The following CEP57L1 variants were observed in gnomAD, a reference collection of about 807,000 sequenced individuals.
CEP57L1 encodes the protein centrosomal protein CEP57L1.
Under a neutral mutation model 61.0 loss-of-function variants are expected in CEP57L1, and 37 were observed. That is an observed-to-expected ratio of 0.61 (90% confidence interval 0.47 to 0.80). CEP57L1 has a LOEUF of 0.80. Among genes scored for constraint, CEP57L1 ranks in the 30% least tolerant of loss-of-function variants. The probability of loss-of-function intolerance (pLI) is 0.00; values close to 1 mark genes in which losing one functional copy is unlikely to be tolerated. For synonymous variants in CEP57L1, 137 were observed against 162.3 expected, an observed-to-expected ratio of 0.84 and a Z score of 1.19; for missense variants, 422 against 524.7, an observed-to-expected ratio of 0.80 and a Z score of 1.91.
At position 109,108,753 on chromosome 6, in the gene CEP57L1, G is replaced by A. The variant is rs187227785; in HGVS notation, c.-4+13178G>A. On this transcript the variant is annotated intron_variant, in intron 1 of 10. Transcript: ENST00000517392. ...CTCCTTATTTCTTGAATTAAAAAAG[G>A]CGAAGGATTTATATGCTCTGAAGAG... is the stretch of plus-strand genomic sequence containing the variant. Among the ~76,000 whole-genome samples the A allele has an allele frequency of 9.9e-5, 15 of 152,154 alleles. No individual in the cohort carries two copies. The East Asian group carries it at 1.7e-3, about 18-fold the overall frequency.
At chr6:109,126,257 T>C (rs986005082) in intron 1 of CEP57L1, among the ~76,000 whole-genome samples, 1 of 152,216 alleles carries the variant, frequency 6.6e-6, no homozygotes, top group African/African-American at 2.4e-5. Flanking sequence ...AATGAAAATA[T>C]GTAAGTGCTT....
Position 109,126,057 on chromosome 6 carries a change from GA to G in CEP57L1, c.-3-19157del, listed in dbSNP as rs1773528814. ...AACAAACATTAGCATAGGGAGGTAG[GA>G]AAAAGTTGTTGACCTAACAAATTAG... On this transcript the variant is annotated intron_variant, in intron 1 of 10. Transcript: ENST00000517392. 2.6e-5 allele frequency among the ~76,000 whole-genome samples: 4 copies of G among 152,178 alleles called. No individual in the cohort carries two copies. The South Asian group carries it at 8.3e-4, about 32-fold the overall frequency.
intron 1 of CEP57L1, among the ~76,000 whole-genome samples, chr6:109,110,220 A>G (rs915601958): frequency 1.3e-5 from 2 of 152,064 alleles, no homozygotes; most frequent in East Asian, 3.9e-4. Flanking sequence ...TGACTTTTTA[A>G]ATGATTGCCA....
At chr6:109,133,093 T>C (rs1774380916) in intron 1 of CEP57L1, among the ~76,000 whole-genome samples, 1 of 152,222 alleles carries the variant, frequency 6.6e-6, no homozygotes, top group Non-Finnish European at 1.5e-5. Flanking sequence ...ATATAATAAT[T>C]GCTAACATGT....
intron 7 of CEP57L1, 144 bp from the exon 8 acceptor site, chr6:109,158,881 A>G (rs1773463916): frequency 1.4e-6 from 1 of 707,872 alleles, no homozygotes; most frequent in East Asian, 2.7e-5. Flanking sequence ...TGTCATACGT[A>G]TGTCTATGTC....
rs573157139 is a variant in CEP57L1 at position 109,166,675 on chromosome 6, G to A, written c.*3705G>A. Among the ~76,000 whole-genome samples the A allele has an allele frequency of 3.9e-5, 6 of 152,162 alleles. No individual in the cohort carries two copies. Among genetic ancestry groups the A allele is most frequent in the Non-Finnish European group, 8.8e-5 (6 of 67,996 alleles). On this transcript the variant is annotated 3_prime_UTR_variant, in exon 11 of 11. Transcript: ENST00000517392. ...TGGGATTACAGGCATGAGCCACTGCGCCCAGCCTAAATGTGTATTCTTATC... is the reference window on the plus strand; with the variant it reads ...TGGGATTACAGGCATGAGCCACTGCACCCAGCCTAAATGTGTATTCTTATC...
rs527267602 is a variant in CEP57L1, at chr6:109,156,053, A to G, written c.744+176A>G. ...TTGGGGTATAAGGACAGAAAATTTC[A>G]TAAGATTCAGGTTAAAAAAAGTAGC... On this transcript the variant is annotated intron_variant, in intron 7 of 10. Coordinates refer to ENST00000517392, the MANE Select transcript of CEP57L1 (RefSeq NM_001271852.3). 312 of 433,554 alleles carry G rather than the reference A, an allele frequency of 7.2e-4. 2 individuals are homozygous for G. The highest frequency in any genetic ancestry group is 2.7e-3 in the South Asian group (67 of 24,820). The allele number at this position is 433,554 out of a possible 1,614,324, so 26.9% of individuals were successfully genotyped here.
chr6:109,172,362 A>T lies in CEP57L1; in HGVS notation c.*9392A>T, dbSNP rs183194668. 7.2e-5 allele frequency among the ~76,000 whole-genome samples: 11 copies of T among 152,276 alleles called. No individual in the cohort carries two copies. Among genetic ancestry groups the T allele is most frequent in the Admixed American group, 5.9e-4 (9 of 15,288 alleles). ...CCTTCAGTTTTCAGCCCCTCCAAAGATGGAGCTGATACTACATGGCCTAAG... is the reference window on the plus strand; with the variant it reads ...CCTTCAGTTTTCAGCCCCTCCAAAGTTGGAGCTGATACTACATGGCCTAAG... On this transcript the variant is annotated 3_prime_UTR_variant, in exon 11 of 11. Transcript: ENST00000517392.
intron 2 of CEP57L1, among the ~76,000 whole-genome samples, chr6:109,145,893 A>C (rs1771907484): frequency 6.6e-6 from 1 of 151,992 alleles, no homozygotes. Context: ...TACTCCAGGC[A>C]TATTTTAAGC....
chr6:109,122,465 G>T (rs1773083684), intron 1 of CEP57L1, among the ~76,000 whole-genome samples: 1 of 152,062 alleles, frequency 6.6e-6, no homozygotes, highest in Non-Finnish European at 1.5e-5. Flanking sequence ...GTACATGAAA[G>T]AATAATACAT....
intron 10 of CEP57L1, 29 bp downstream of exon 10, chr6:109,160,745 T>C: frequency 6.4e-7 from 1 of 1,564,628 alleles, no homozygotes. Context: ...GAGATTTTAA[T>C]AAAAACACAA....
At chr6:109,120,905 GACACACGCACACACACACACACACACAC>G (rs1772878613) in intron 1 of CEP57L1, among the ~76,000 whole-genome samples, 1 of 128,298 alleles carries the variant, frequency 7.8e-6, no homozygotes, top group Admixed American at 8.6e-5. Context: ...CCTATACTTA[GACACACGCACACACACACACACACACAC>G]ACACACACAC....
chr6:109,129,336 A>C, intron 1 of CEP57L1: 2 of 1,168,196 alleles, frequency 1.7e-6, no homozygotes, highest in Non-Finnish European at 2.2e-6. Context: ...CTTGGATATA[A>C]TAATATAGAC....
In CEP57L1 at chr6:109,153,992, G is replaced by A. The variant is rs140076639; in HGVS notation, c.579+43G>A. On this transcript the variant is annotated intron_variant, in intron 5 of 10. Transcript: ENST00000517392. The stretch of plus-strand genomic sequence containing the variant: ...TGATGACAACAGGAATGAATCTTTA[G>A]TGTTAAGCATAATTGGTATTTTATG... 50 of 1,010,542 alleles carry A rather than the reference G, an allele frequency of 4.9e-5. No homozygotes were observed. In the East Asian group the frequency reaches 1.2e-3, roughly 24 times the overall value. 62.6% of individuals were successfully genotyped at this position (1,010,542 alleles called of 1,614,324 possible).
chr6:109,106,719 AG>A (rs1376205773), intron 1 of CEP57L1, among the ~76,000 whole-genome samples: 1 of 152,156 alleles, frequency 6.6e-6, no homozygotes, highest in Non-Finnish European at 1.5e-5. Context: ...ACTTGAGGTC[AG>A]GAGTTCAAGA....
intron 1 of CEP57L1, among the ~76,000 whole-genome samples, chr6:109,139,536 A>G (rs997987067): frequency 2.0e-5 from 3 of 150,150 alleles, no homozygotes; most frequent in Admixed American, 2.0e-4. Flanking sequence ...GAGTGCAGTG[A>G]CATGATCTCG....
chr6:109,124,188 A>G (rs1181433807), intron 1 of CEP57L1, among the ~76,000 whole-genome samples: 1 of 152,140 alleles, frequency 6.6e-6, no homozygotes, highest in East Asian at 1.9e-4. Context: ...TTACTTCATA[A>G]AAGTCTTTAT....
chr6:109,146,048 G>A (rs1390452557), intron 2 of CEP57L1, among the ~76,000 whole-genome samples: 1 of 151,840 alleles, frequency 6.6e-6, no homozygotes, highest in Non-Finnish European at 1.5e-5. Context: ...CAGATATCAT[G>A]TAAAGAGGAA....
At chr6:109,155,633 T>G (rs1415143910) in intron 6 of CEP57L1, among the ~76,000 whole-genome samples, 158 bp from the exon 7 acceptor site, 1 of 152,002 alleles carries the variant, frequency 6.6e-6, no homozygotes, top group East Asian at 1.9e-4. Flanking sequence ...ACCAATAGAC[T>G]TAGTGACCTT....
Sources: allele counts gnomAD v4.1 joint callset (sites outside exome capture counted in the v4.1 genomes callset), GRCh38; gene constraint gnomAD v4.1.1; transcripts MANE v1.5; gene names NCBI Gene and HGNC (gene_info 2026-07-23, HGNC 2026-07-21).